The following SELENOF variants were observed in gnomAD, a reference collection of about 807,000 sequenced individuals.
The protein encoded by SELENOF is selenoprotein F.
SELENOF carries 16 observed loss-of-function variants against 20.5 expected under a neutral mutation model. That is an observed-to-expected ratio of 0.78 (90% CI 0.53 to 1.19). The LOEUF (loss-of-function observed/expected upper bound fraction) is 1.19. Ranked by LOEUF, SELENOF falls within the 50% of genes most tolerant of loss-of-function variation. The probability of loss-of-function intolerance (pLI) is 0.00; values close to 1 mark genes in which losing one functional copy is unlikely to be tolerated. For synonymous variants in SELENOF, 78 were observed against 74.5 expected (o/e 1.05, Z -0.24); for missense variants, 215 against 194.2 (o/e 1.11, Z -0.64).
intron 1 of SELENOF, among the ~76,000 whole-genome samples, chr1:86,906,645 G>A (rs1659834362): frequency 6.6e-6 from 1 of 152,186 alleles, no homozygotes; most frequent in Admixed American, 6.5e-5. Context: ...CAACATGGAA[G>A]GGCCCATGTA....
chr1:86,881,259 T>A (rs1166401101), intron 2 of SELENOF, among the ~76,000 whole-genome samples: 1 of 152,208 alleles, frequency 6.6e-6, no homozygotes, highest in Non-Finnish European at 1.5e-5. Context: ...ATGCAAATAT[T>A]TTCCTTTAAT....
At chr1:86,893,184 T>C (rs530725481) in intron 2 of SELENOF, among the ~76,000 whole-genome samples, 29 of 152,258 alleles carry the variant, frequency 1.9e-4, no homozygotes, top group Non-Finnish European at 3.7e-4. Flanking sequence ...ATAATGTAGG[T>C]AAAACACTTA....
At chr1:86,891,089 G>C (rs992647526) in intron 2 of SELENOF, among the ~76,000 whole-genome samples, 2 of 141,192 alleles carry the variant, frequency 1.4e-5, no homozygotes, top group Non-Finnish European at 3.0e-5. Context: ...CATTCTTGTT[G>C]CCCAGGCTGG....
chr1:86,885,026 C>T (rs1457765022), intron 2 of SELENOF, among the ~76,000 whole-genome samples: 3 of 152,046 alleles, frequency 2.0e-5, no homozygotes, highest in Non-Finnish European at 2.9e-5. Flanking sequence ...CACTAATGTG[C>T]CTTAGTTGTA....
chr1:86,883,213 G>A (rs1275240509), intron 2 of SELENOF, among the ~76,000 whole-genome samples: 2 of 151,890 alleles, frequency 1.3e-5, no homozygotes, highest in Non-Finnish European at 2.9e-5. Flanking sequence ...GTGAAATAAG[G>A]CAGTCACAAA....
In SELENOF at chr1:86,910,660, T is replaced by C. The variant is rs191891401; in HGVS notation, c.84+3368A>G. ...CAGAGGTTGCAGTGAGCCGAGATGA[T>C]GCCACCGCACTCCAGCCTGGCAACA... On this transcript the variant is annotated intron_variant, in intron 1 of 4. Transcript: ENST00000331835. Among the ~76,000 whole-genome samples the C allele has an allele frequency of 1.6e-3, 197 of 123,332 alleles. 1 individual carries two copies. The highest frequency in any genetic ancestry group is 6.7e-3 in the African/African-American group (190 of 28,404). The allele number at this position is 123,332 out of a possible 152,430, so 80.9% of individuals were successfully genotyped here. A position where few individuals can be genotyped will look rare whatever the true frequency, so the allele number is the denominator to read the frequency against.
At chr1:86,871,110 G>A (rs1184135516) in intron 3 of SELENOF, among the ~76,000 whole-genome samples, 1 of 152,134 alleles carries the variant, frequency 6.6e-6, no homozygotes, top group Non-Finnish European at 1.5e-5. Flanking sequence ...TTTACAGGCA[G>A]TAAATAAATC....
intron 2 of SELENOF, among the ~76,000 whole-genome samples, chr1:86,895,708 C>T (rs1659503699): frequency 6.6e-6 from 1 of 152,112 alleles, no homozygotes; most frequent in South Asian, 2.1e-4. Context: ...TTTATTATTT[C>T]ACACAGATAA....
chr1:86,874,874 C>A (rs1266400099), intron 3 of SELENOF, among the ~76,000 whole-genome samples: 1 of 152,090 alleles, frequency 6.6e-6, no homozygotes, highest in African/African-American at 2.4e-5. Flanking sequence ...AGAATGGCAA[C>A]AATAGACAAC....
At chr1:86,891,792 G>A (rs374460220) in intron 2 of SELENOF, among the ~76,000 whole-genome samples, 17 of 151,968 alleles carry the variant, frequency 1.1e-4, no homozygotes, top group Non-Finnish European at 2.1e-4. Flanking sequence ...ACTCAACTAC[G>A]AAATAAAGAT....
intron 2 of SELENOF, among the ~76,000 whole-genome samples, chr1:86,898,929 A>C (rs1011321589): frequency 3.3e-5 from 5 of 151,734 alleles, no homozygotes; most frequent in Non-Finnish European, 5.9e-5. Context: ...GAGGACCCTG[A>C]GGCCTTCCGC....
intron 2 of SELENOF, among the ~76,000 whole-genome samples, chr1:86,882,104 T>A (rs895724445): frequency 2.6e-5 from 4 of 151,704 alleles, no homozygotes; most frequent in Non-Finnish European, 5.9e-5. Flanking sequence ...TGGTGGCGCA[T>A]GCCTGTAATC....
intron 3 of SELENOF, among the ~76,000 whole-genome samples, chr1:86,879,309 T>C (rs1659001335): frequency 6.6e-6 from 1 of 152,048 alleles, no homozygotes; most frequent in Admixed American, 6.6e-5. Flanking sequence ...GCAAAATAAA[T>C]AAATAAATAA....
chr1:86,890,330 GA>G (rs1319581652), intron 2 of SELENOF, among the ~76,000 whole-genome samples: 1 of 152,116 alleles, frequency 6.6e-6, no homozygotes, highest in Non-Finnish European at 1.5e-5. Flanking sequence ...CTCCTTCTAA[GA>G]GCTTTCATTG....
intron 1 of SELENOF, among the ~76,000 whole-genome samples, chr1:86,907,625 C>A (rs1269575779): frequency 6.6e-6 from 1 of 152,134 alleles, no homozygotes; most frequent in Non-Finnish European, 1.5e-5. Context: ...GACAAAGATT[C>A]TAAGGACAGG....
chr1:86,874,590 C>T (rs1658876550), intron 3 of SELENOF, among the ~76,000 whole-genome samples: 1 of 151,056 alleles, frequency 6.6e-6, no homozygotes, highest in Non-Finnish European at 1.5e-5. Flanking sequence ...AAAAAAAAAC[C>T]CCAAAACCCA....
intron 3 of SELENOF, among the ~76,000 whole-genome samples, chr1:86,869,835 C>A (rs549481994): frequency 6.6e-6 from 1 of 151,966 alleles, no homozygotes; most frequent in South Asian, 2.1e-4. Context: ...AGTGCAGTGG[C>A]GCAATCTCGG....
chr1:86,885,583 T>A (rs930028827), intron 2 of SELENOF, among the ~76,000 whole-genome samples: 2 of 152,200 alleles, frequency 1.3e-5, no homozygotes, highest in Admixed American at 6.5e-5. Flanking sequence ...TACTCTACTT[T>A]CCAATACGAA....
At chr1:86,882,930 A>C (rs1570386050) in intron 2 of SELENOF, among the ~76,000 whole-genome samples, 1 of 125,394 alleles carries the variant, frequency 8.0e-6, no homozygotes, top group Non-Finnish European at 1.9e-5. Flanking sequence ...GTTCGAGACC[A>C]GCCTGGCCAA....
Sources: allele counts gnomAD v4.1 joint callset (sites outside exome capture counted in the v4.1 genomes callset), GRCh38; gene constraint gnomAD v4.1.1; transcripts MANE v1.5; gene names NCBI Gene and HGNC (gene_info 2026-07-23, HGNC 2026-07-21).